FCHO2: variants seen among roughly 807,000 people sequenced by gnomAD.
FCHO2 encodes the protein FCH and mu domain containing endocytic adaptor 2, also known as F-BAR domain only protein 2.
Under a neutral mutation model 114.1 loss-of-function variants are expected in FCHO2, and 43 were observed. The ratio of observed to expected loss-of-function variants is 0.38; its 90% CI spans 0.30 to 0.49. The LOEUF (loss-of-function observed/expected upper bound fraction) is 0.49. Ranked by LOEUF, FCHO2 falls within the 20% of genes least tolerant of loss-of-function variation. The probability of loss-of-function intolerance (pLI) is 0.97; values close to 1 mark genes in which losing one functional copy is unlikely to be tolerated. For synonymous variants in FCHO2, 293 were observed against 315.2 expected (o/e 0.93, Z 0.75); for missense variants, 807 against 950.4 (o/e 0.85, Z 1.98).
rs116422081 is a variant in FCHO2, at chr5:73,026,631, C to T, written c.797-8026C>T. ...GAGCATTACAAATTTTTTTCTAACT[C>T]GTTATGATAATGTTATATTACTTAT... On this transcript the variant is annotated intron_variant, in intron 8 of 25. Transcript: ENST00000430046. Among the ~76,000 whole-genome samples the T allele has an allele frequency of 5.6e-3, 851 of 152,102 alleles. 14 individuals are homozygous for T. The highest frequency in any genetic ancestry group is 0.02 in the African/African-American group (817 of 41,500).
intron 1 of FCHO2, 65 bp from the exon 2 acceptor site, chr5:72,968,433 T>C: frequency 4.2e-6 from 5 of 1,193,586 alleles, no homozygotes; most frequent in Non-Finnish European, 5.7e-6. Flanking sequence ...TAATGTTGGC[T>C]TTTTATATTC....
chr5:72,976,895 C>T (rs1345030790), intron 2 of FCHO2, among the ~76,000 whole-genome samples: 1 of 150,666 alleles, frequency 6.6e-6, no homozygotes, highest in Non-Finnish European at 1.5e-5. Flanking sequence ...GTTTTCTGTT[C>T]TTGTGTTTGC....
chr5:73,065,932 A>T (rs1196118306), intron 18 of FCHO2, among the ~76,000 whole-genome samples: 1 of 151,648 alleles, frequency 6.6e-6, no homozygotes, highest in African/African-American at 2.4e-5. Flanking sequence ...CTGTTATTCC[A>T]CTGTATATGT....
chr5:73,086,123 CAA>C (rs74750959), intron 24 of FCHO2, among the ~76,000 whole-genome samples: 2 of 132,352 alleles, frequency 1.5e-5, no homozygotes. Context: ...GACTCTGTCT[CAA>C]AAAAAAAAAA....
chr5:73,059,824 A>G (rs933142742), intron 17 of FCHO2, among the ~76,000 whole-genome samples: 3 of 151,976 alleles, frequency 2.0e-5, no homozygotes, highest in African/African-American at 7.2e-5. Context: ...TATATATTAT[A>G]TGAAGAAAGT....
intron 1 of FCHO2, 36 bp downstream of exon 1, chr5:72,956,165 G>A (rs1416803727): frequency 6.5e-7 from 1 of 1,528,320 alleles, no homozygotes; most frequent in African/African-American, 1.4e-5. Flanking sequence ...GTGTTTCGAA[G>A]TCCAAGGCTT....
intron 6 of FCHO2, among the ~76,000 whole-genome samples, chr5:73,008,661 C>T (rs970422374): frequency 6.6e-6 from 1 of 152,058 alleles, no homozygotes. Flanking sequence ...TCCACAATTC[C>T]GAATCCGAAG....
At chr5:72,981,868 A>C (rs1753229760) in intron 2 of FCHO2, among the ~76,000 whole-genome samples, 1 of 152,186 alleles carries the variant, frequency 6.6e-6, no homozygotes, top group Admixed American at 6.5e-5. Context: ...CAAGGTACTT[A>C]GCTTCCTTGC....
intron 18 of FCHO2, among the ~76,000 whole-genome samples, chr5:73,067,622 G>T (rs562940767): frequency 2.6e-5 from 4 of 151,788 alleles, no homozygotes; most frequent in Non-Finnish European, 5.9e-5. Context: ...TTTTGTTTTT[G>T]CCTTTTTTTC....
intron 18 of FCHO2, among the ~76,000 whole-genome samples, chr5:73,066,582 T>C (rs1742342655): frequency 1.3e-5 from 2 of 148,596 alleles, no homozygotes; most frequent in African/African-American, 4.9e-5. Flanking sequence ...TTTCTTTTTT[T>C]TTTTTTTTTT....
chr5:73,068,514 A>G, intron 18 of FCHO2, 136 bp from the exon 19 acceptor site: 1 of 738,294 alleles, frequency 1.4e-6, no homozygotes, highest in Non-Finnish European at 2.2e-6. Context: ...GATATATGGC[A>G]TCTCTGATAC....
At chr5:73,022,400 T>G (rs939973695) in intron 8 of FCHO2, among the ~76,000 whole-genome samples, 5 of 152,310 alleles carry the variant, frequency 3.3e-5, no homozygotes, top group African/African-American at 1.2e-4. Flanking sequence ...CTTTTTTTCT[T>G]TTCCCTGATG....
rs1184721329 is a variant in FCHO2, at chr5:72,990,539, T to G, written c.262T>G (p.Leu88Val). The G allele has an allele frequency of 6.5e-7, 1 of 1,541,204 alleles. No homozygotes were observed. The highest frequency in any genetic ancestry group is 8.7e-7 in the Non-Finnish European group (1 of 1,144,716). ...TACAGAGAAATTAGCAAATTGTCACTTGGATCTTGTTAGAAAATTACAAGA... is the reference window on the plus strand; with the variant it reads ...TACAGAGAAATTAGCAAATTGTCACGTGGATCTTGTTAGAAAATTACAAGA... ...TSTEKLANCHLDLVRKLQELI... is the reference protein window; with the variant it reads ...TSTEKLANCHVDLVRKLQELI... Residue 88 changes from leucine to valine, a missense_variant, in exon 4 of 26, where the codon TTG (leucine) becomes GTG (valine). Coordinates refer to ENST00000430046, the MANE Select transcript of FCHO2 (RefSeq NM_138782.3).
intron 13 of FCHO2, among the ~76,000 whole-genome samples, chr5:73,053,695 CAA>C (rs370427186): frequency 1.4e-3 from 137 of 98,076 alleles, no homozygotes; most frequent in East Asian, 0.012. Context: ...GACTTCGTCT[CAA>C]AAAAAAAAAA....
Position 72,979,638 on chromosome 5 carries a change from G to A in FCHO2, c.126-9789G>A, listed in dbSNP as rs1226845968. Among the ~76,000 whole-genome samples, 8 of 151,586 alleles carry A rather than the reference G, an allele frequency of 5.3e-5. No homozygotes were observed. The South Asian group carries it at 8.3e-4, about 16-fold the overall frequency. On this transcript the variant is annotated intron_variant, in intron 2 of 25. Coordinates refer to ENST00000430046, the MANE Select transcript of FCHO2 (RefSeq NM_138782.3). ...GATCTCCTGACCTCGTGATCCGCCC[G>A]CCTCGGCCTCCCAAAGTGCTGGGAT...
chr5:73,042,915 C>G (rs1166402187), intron 11 of FCHO2, among the ~76,000 whole-genome samples: 1 of 152,072 alleles, frequency 6.6e-6, no homozygotes, highest in African/African-American at 2.4e-5. Flanking sequence ...TGGCAAATTT[C>G]TTTTCAATTT....
chr5:73,072,449 G>T (rs1742702346), intron 19 of FCHO2, among the ~76,000 whole-genome samples: 1 of 151,992 alleles, frequency 6.6e-6, no homozygotes, highest in African/African-American at 2.4e-5. Context: ...AGAGATAGTT[G>T]TTTACTCCTG....
At chr5:72,990,088 A>C (rs913141271) in intron 3 of FCHO2, among the ~76,000 whole-genome samples, 7 of 151,938 alleles carry the variant, frequency 4.6e-5, no homozygotes, top group Non-Finnish European at 1.0e-4. Context: ...CAGAAACTTT[A>C]TTTTTGATGA....
chr5:72,980,054 A>T (rs1753116105), intron 2 of FCHO2, among the ~76,000 whole-genome samples: 1 of 152,012 alleles, frequency 6.6e-6, no homozygotes, highest in Non-Finnish European at 1.5e-5. Flanking sequence ...TCAATTTTAG[A>T]TCTTTCCTGC....
Sources: gnomAD v4.1 joint callset for allele counts (sites outside exome capture counted in the v4.1 genomes callset) on GRCh38, gnomAD v4.1.1 for gene constraint, MANE v1.5 for transcripts, NCBI Gene and HGNC (gene_info 2026-07-23, HGNC 2026-07-21) for gene names.